POLQ: variants seen among roughly 807,000 people sequenced by gnomAD.
The protein encoded by POLQ is epididymis secretory sperm binding protein.
POLQ carries 233 observed loss-of-function variants against 259.2 expected under a neutral mutation model. That is an observed-to-expected ratio of 0.90 (90% CI 0.81 to 1.00). The LOEUF is 1.00. POLQ is among the 50% of genes least tolerant of loss of function. The probability of loss-of-function intolerance (pLI) is 0.00; values close to 1 mark genes in which losing one functional copy is unlikely to be tolerated. For missense variants in POLQ, 2,871 were observed against 3,051.6 expected, an observed-to-expected ratio of 0.94 and a Z score of 1.39; for synonymous variants, 1,025 against 1,048.8, an observed-to-expected ratio of 0.98 and a Z score of 0.44.
Position 121,518,737 on chromosome 3 carries a change from C to T in POLQ, c.1468+1134G>A, listed in dbSNP as rs1340452013. On this transcript the variant is annotated intron_variant, in intron 9 of 29. Transcript: ENST00000264233. Reference sequence around the variant, plus strand: ...GATTTCCTAATTTCTCTTCAGTAGCCACAGAACTGTTTGCCTGTTTTGTTT... The same window carrying T: ...GATTTCCTAATTTCTCTTCAGTAGCTACAGAACTGTTTGCCTGTTTTGTTT... Among the ~76,000 whole-genome samples, 3 of 146,934 alleles carry T rather than the reference C, an allele frequency of 2.0e-5. No homozygotes were observed. In the East Asian group the frequency reaches 6.2e-4, roughly 31 times the overall value.
rs1553806004 is a variant in POLQ at position 121,472,211 on chromosome 3, C to T, written c.6544-47G>A. The T allele has an allele frequency of 2.3e-5, 20 of 870,992 alleles. No individual in the cohort carries two copies. The South Asian group carries it at 4.8e-4, about 21-fold the overall frequency. 54.0% of individuals were successfully genotyped at this position (870,992 alleles called of 1,614,324 possible). A position where few individuals can be genotyped will look rare whatever the true frequency, so the allele number is the denominator to read the frequency against. The stretch of plus-strand genomic sequence containing the variant: ...AGATTGAATTCTTGTCCAAATTCCA[C>T]AGCAAGCTAGAATCTCTTTTCTGTA... On this transcript the variant is annotated intron_variant, in intron 21 of 29. Coordinates refer to ENST00000264233, the MANE Select transcript of POLQ (RefSeq NM_199420.4).
chr3:121,473,024 G>C (rs1481287814), intron 21 of POLQ, among the ~76,000 whole-genome samples: 1 of 152,194 alleles, frequency 6.6e-6, no homozygotes, highest in Non-Finnish European at 1.5e-5. Flanking sequence ...AGGAGTTCAA[G>C]ACCAGCCTGG....
At chr3:121,493,968 A>C in intron 14 of POLQ, 1 of 599,436 alleles carries the variant, frequency 1.7e-6, no homozygotes. Flanking sequence ...CCTCAAGTTA[A>C]TACATGAAAA....
intron 14 of POLQ, among the ~76,000 whole-genome samples, chr3:121,495,271 C>CA (rs558113034): frequency 0.011 from 1,519 of 137,198 alleles, 7 homozygotes; most frequent in South Asian, 0.02. Flanking sequence ...AACTCCATCT[C>CA]AAAAAAAAAA....
Position 121,487,982 on chromosome 3 carries a change from G to A in POLQ, c.4949C>T (p.Ser1650Phe). Residue 1650 changes from serine to phenylalanine, a missense_variant, in exon 16 of 30, where the codon TCC becomes TTC. Physicochemically the swap from Ser to Phe is radical, Grantham distance 155. Around this residue, in one of 3 missense-constraint regions of POLQ, gnomAD observed 2,080 missense variants for 2,126.0 expected, o/e 0.98. Transcript: ENST00000264233. Reference protein sequence around the residue: ...PGLQRILDKVSSPLENEKLKS... With the variant: ...PGLQRILDKVFSPLENEKLKS... ...TAGCTTTTCATTTTCTAGAGGACTG[G>A]ATACTTTATCTAAAATCCTTTGCAG... 3 of 1,611,762 alleles carry A rather than the reference G, an allele frequency of 1.9e-6. No individual in the cohort carries two copies. The highest frequency in any genetic ancestry group is 2.5e-6 in the Non-Finnish European group (3 of 1,179,180).
Position 121,539,516 on chromosome 3 carries a change from G to A in POLQ, c.548C>T (p.Ser183Leu). The A allele has an allele frequency of 1.2e-6, 2 of 1,612,350 alleles. No individual in the cohort carries two copies. Among genetic ancestry groups the A allele is most frequent in the Non-Finnish European group, 1.7e-6 (2 of 1,178,390 alleles). ...GSTSPSRHFS[S>L]LDIAVCTIER... ...AATTGTGCAGACTGCAATATCCAAT[G>A]AAGAGAAATGCCTTGATGGAGAGGT... The change falls in exon 4 of 30, where the codon TCA (serine) becomes TTA (leucine). Residue 183 changes from serine (S) to leucine (L), a missense_variant. This residue lies in a region of POLQ where 783 missense variants were observed against 906.2 expected (regional missense o/e 0.86). Transcript: ENST00000264233.
chr3:121,531,401 A>C lies in POLQ; in HGVS notation c.960+1589T>G, dbSNP rs918263964. ...CTAGAAAAAGAGAACCTGAGGCCAG[A>C]AACTCTTGTTGTATTAAAAAACAGC... On this transcript the variant is annotated intron_variant, in intron 6 of 29. Coordinates refer to ENST00000264233, the MANE Select transcript of POLQ (RefSeq NM_199420.4). Among the ~76,000 whole-genome samples the C allele has an allele frequency of 2.0e-5, 3 of 152,332 alleles. No individual in the cohort carries two copies. In the South Asian group the frequency reaches 6.2e-4, roughly 32 times the overall value.
rs989687766 is a variant in POLQ at position 121,440,106 on chromosome 3, T to C, written c.7275A>G (p.Gln2425=). Residue 2425 remains glutamine (Q), a synonymous_variant, in exon 27 of 30, where the codon CAA becomes CAG. Transcript: ENST00000264233. ...SFKSRYTGIN[Q]FMTETVKNCK... Reference sequence around the variant, plus strand: ...AATTCTTCACTGTCTCTGTCATGAATTGATTAATCCCTACAAAGAAAATAC... The same window carrying C: ...AATTCTTCACTGTCTCTGTCATGAACTGATTAATCCCTACAAAGAAAATAC... 7 of 1,606,000 alleles carry C rather than the reference T, an allele frequency of 4.4e-6. No homozygotes were observed. The highest frequency in any genetic ancestry group is 1.7e-5 in the Admixed American group (1 of 59,898).
chr3:121,484,900 C>T, intron 17 of POLQ, 141 bp downstream of exon 17: 1 of 665,240 alleles, frequency 1.5e-6, no homozygotes, highest in Non-Finnish European at 2.4e-6. Flanking sequence ...CATTCTGTCT[C>T]AAAAAACAAA....
chr3:121,452,347 C>T (rs773558727), intron 25 of POLQ, among the ~76,000 whole-genome samples: 13 of 152,198 alleles, frequency 8.5e-5, no homozygotes, highest in Non-Finnish European at 1.6e-4. Flanking sequence ...GCAGAAATCA[C>T]CTGTCTTCTG....
rs1362840910 is a variant in POLQ, at chr3:121,520,056, A to G, written c.1283T>C (p.Ile428Thr). Residue 428 changes from isoleucine (I) to threonine (T), a missense_variant, in exon 9 of 30, where the codon ATT becomes ACT. Coordinates refer to ENST00000264233, the MANE Select transcript of POLQ (RefSeq NM_199420.4). ...GAGACCTTGACGAAAGGCTCCTTCA[A>G]TGATATCCCTCTCCTCAAAAGTAAG... ...AGLTFEERDI[I>T]EGAFRQGLIR... The G allele has an allele frequency of 2.5e-6, 4 of 1,612,416 alleles. No homozygotes were observed. The highest frequency in any genetic ancestry group is 1.1e-5 in the South Asian group (1 of 91,046).
At chr3:121,494,115 G>A (rs566962496) in intron 14 of POLQ, 223 of 733,440 alleles carry the variant, frequency 3.0e-4, no homozygotes, top group Non-Finnish European at 4.6e-4. Flanking sequence ...CCAAGATGCC[G>A]AAAGGAAAGA....
chr3:121,431,691 T>C lies in POLQ; in HGVS notation c.*613A>G, dbSNP rs2047494062. ...TAATATGTAAGTATTCCAAATACAT[T>C]CATTGTATGAATTAGGGAAGGAAAA... On this transcript the variant is annotated 3_prime_UTR_variant, in exon 30 of 30. Transcript: ENST00000264233. The C allele has an allele frequency of 6.5e-6, 1 of 152,678 alleles. No homozygotes were observed. The highest frequency in any genetic ancestry group is 2.4e-5 in the African/African-American group (1 of 41,460). 9.5% of individuals were successfully genotyped at this position (152,678 alleles called of 1,614,324 possible).
intron 7 of POLQ, 152 bp downstream of exon 7, chr3:121,529,493 C>G: frequency 4.2e-6 from 3 of 718,720 alleles, no homozygotes; most frequent in Non-Finnish European, 7.2e-6. Flanking sequence ...TTATTAGAAT[C>G]GCAAAAGCAC....
intron 25 of POLQ, among the ~76,000 whole-genome samples, chr3:121,451,108 G>A (rs919248735): frequency 4.6e-5 from 7 of 152,146 alleles, no homozygotes; most frequent in East Asian, 1.9e-4. Flanking sequence ...CATTTGTCAC[G>A]TAGTTCTTTT....
intron 7 of POLQ, among the ~76,000 whole-genome samples, chr3:121,522,880 C>T (rs1321950015): frequency 6.6e-6 from 1 of 152,180 alleles, no homozygotes; most frequent in Non-Finnish European, 1.5e-5. Flanking sequence ...CACCAACCAG[C>T]AGTAGCAGTA....
chr3:121,487,784 T>C lies in POLQ; in HGVS notation c.5147A>G (p.Glu1716Gly). The C allele has an allele frequency of 6.2e-7, 1 of 1,610,808 alleles. No homozygotes were observed. Among genetic ancestry groups the C allele is most frequent in the Non-Finnish European group, 8.5e-7 (1 of 1,178,618 alleles). The change falls in exon 16 of 30, where the codon GAA becomes GGA. Residue 1716 changes from glutamate (E) to glycine (G), a missense_variant. By Grantham distance (98) the Glu-to-Gly change is moderately conservative (BLOSUM62 -2). This residue lies in a region of POLQ where 2,080 missense variants were observed against 2,126.0 expected (regional missense o/e 0.98). Transcript: ENST00000264233. Reference sequence around the variant, plus strand: ...TTTACGAGGTAAGAGGGATGAGGTTTCATCATGATTGGCATTGTTTTCTAG... The same window carrying C: ...TTTACGAGGTAAGAGGGATGAGGTTCCATCATGATTGGCATTGTTTTCTAG... The part of the protein sequence containing the change: ...EMLENNANHD[E>G]TSSLLPRKES...
rs2048235445 is a variant in POLQ, at chr3:121,509,507, T to C, written c.1959+54A>G. The C allele has an allele frequency of 2.8e-6, 4 of 1,454,162 alleles. No homozygotes were observed. In the African/African-American group the frequency reaches 5.6e-5, roughly 20 times the overall value. 90.1% of individuals were successfully genotyped at this position (1,454,162 alleles called of 1,614,324 possible). On this transcript the variant is annotated intron_variant, in intron 12 of 29. Transcript: ENST00000264233. ...GGTATCTTTGATGTTCAGGATTATA[T>C]ATCTATTTTTTTCTCCCTATTTTCA...
Position 121,487,741 on chromosome 3 carries a change from A to G in POLQ, c.5190T>C (p.Asp1730=), listed in dbSNP as rs566270828. Residue 1730 remains aspartate, a synonymous_variant, in exon 16 of 30, where the codon GAT becomes GAC. Coordinates refer to ENST00000264233, the MANE Select transcript of POLQ (RefSeq NM_199420.4). The part of the protein sequence containing the change: ...LLPRKESNIV[D]DNGLIPPTPI... ...GTGTAGGAGGAATGAGACCATTATC[A>G]TCAACTATATTACTTTCTTTACGAG... 2 of 1,613,586 alleles carry G rather than the reference A, an allele frequency of 1.2e-6. No homozygotes were observed. The highest frequency in any genetic ancestry group is 2.2e-5 in the East Asian group (1 of 44,858).
Sources: gnomAD v4.1 joint callset for allele counts (sites outside exome capture counted in the v4.1 genomes callset) on GRCh38, gnomAD v4.1.1 for gene constraint, gnomAD v4.1.1 regional missense constraint, MANE v1.5 for transcripts, NCBI Gene and HGNC (gene_info 2026-07-23, HGNC 2026-07-21) for gene names.